The following LRP1B variants were observed in gnomAD, a reference collection of about 807,000 sequenced individuals.
LRP1B encodes the protein low-density lipoprotein receptor-related protein 1B.
A neutral mutation model predicts 556.6 loss-of-function variants in LRP1B; 217 were observed. The observed-to-expected ratio is 0.39, with a 90% CI of 0.35 to 0.44. LRP1B has a LOEUF of 0.44. LRP1B is among the 20% of genes least tolerant of loss of function. The pLI, the probability that LRP1B is intolerant of heterozygous loss-of-function variation, is 1.00. For synonymous variants in LRP1B, 2,047 were observed against 1,865.8 expected (o/e 1.10, Z -2.50); for missense variants, 5,053 against 5,620.8 (o/e 0.90, Z 3.23).
At chr2:141,142,548 T>C (rs919353042) in intron 7 of LRP1B, among the ~76,000 whole-genome samples, 1 of 152,154 alleles carries the variant, frequency 6.6e-6, no homozygotes, top group African/African-American at 2.4e-5. Context: ...ATAAAGTAGA[T>C]GACAACAGAA....
chr2:141,088,410 A>C (rs773874379), intron 7 of LRP1B, among the ~76,000 whole-genome samples: 31 of 152,334 alleles, frequency 2.0e-4, no homozygotes, highest in Non-Finnish European at 4.4e-4. Flanking sequence ...TAAAAACTTA[A>C]GGAAAATGTA....
chr2:141,338,495 A>G (rs1353323009), intron 3 of LRP1B, among the ~76,000 whole-genome samples: 1 of 152,160 alleles, frequency 6.6e-6, no homozygotes, highest in Non-Finnish European at 1.5e-5. Context: ...CTGATTCATT[A>G]GCACTTTGAT....
chr2:141,170,470 G>T (rs534559895), intron 7 of LRP1B, among the ~76,000 whole-genome samples: 1 of 152,154 alleles, frequency 6.6e-6, no homozygotes, highest in Non-Finnish European at 1.5e-5. Context: ...CACTCCGAAA[G>T]AAATGGCAAT....
At chr2:141,782,686 A>G (rs539573705) in intron 2 of LRP1B, among the ~76,000 whole-genome samples, 2 of 152,090 alleles carry the variant, frequency 1.3e-5, no homozygotes, top group East Asian at 3.9e-4. Context: ...AGCAAGTAAA[A>G]TTACTAAAAA....
chr2:140,862,766 A>G (rs989133331), intron 27 of LRP1B, among the ~76,000 whole-genome samples: 1 of 152,194 alleles, frequency 6.6e-6, no homozygotes, highest in Admixed American at 6.5e-5. Flanking sequence ...TGTTTCTGGA[A>G]GAGATGAGTA....
intron 43 of LRP1B, among the ~76,000 whole-genome samples, chr2:140,590,186 T>C (rs530415396): frequency 6.6e-6 from 1 of 150,988 alleles, no homozygotes; most frequent in South Asian, 2.1e-4. Flanking sequence ...AAATCACTTA[T>C]AATTTCACAA....
chr2:140,809,162 G>A (rs1265926519), intron 32 of LRP1B, among the ~76,000 whole-genome samples: 1 of 151,888 alleles, frequency 6.6e-6, no homozygotes, highest in Non-Finnish European at 1.5e-5. Context: ...TTGTTTTTTT[G>A]TAGAGTGTTT....
At chr2:140,772,311 G>A (rs1559110003) in intron 33 of LRP1B, among the ~76,000 whole-genome samples, 1 of 150,182 alleles carries the variant, frequency 6.7e-6, no homozygotes, top group African/African-American at 2.4e-5. Context: ...TTGTATGTAT[G>A]TATATATATA....
intron 18 of LRP1B, among the ~76,000 whole-genome samples, chr2:140,964,954 G>C (rs1248898292): frequency 6.6e-6 from 1 of 152,174 alleles, no homozygotes; most frequent in Non-Finnish European, 1.5e-5. Flanking sequence ...ACTCCAACTC[G>C]GGAGGGAAGG....
intron 18 of LRP1B, among the ~76,000 whole-genome samples, chr2:140,979,507 T>C (rs1039378296): frequency 6.6e-6 from 1 of 152,158 alleles, no homozygotes; most frequent in Admixed American, 6.6e-5. Context: ...TACTAGTGTG[T>C]TACTGCATAT....
chr2:141,549,766 G>A (rs780059367), intron 2 of LRP1B, among the ~76,000 whole-genome samples: 1 of 152,188 alleles, frequency 6.6e-6, no homozygotes, highest in Non-Finnish European at 1.5e-5. Context: ...GGAGGCCGAG[G>A]CAGGTGGATC....
chr2:141,995,389 CT>C (rs1224690946), intron 1 of LRP1B, among the ~76,000 whole-genome samples: 2 of 152,210 alleles, frequency 1.3e-5, no homozygotes, highest in African/African-American at 4.8e-5. Context: ...ACTCTTACCC[CT>C]GCCTTAGCTC....
At chr2:141,931,617 C>T (rs187750157) in intron 1 of LRP1B, among the ~76,000 whole-genome samples, 74 of 151,818 alleles carry the variant, frequency 4.9e-4, no homozygotes, top group Middle Eastern at 3.4e-3. Flanking sequence ...TCTTATTAAT[C>T]CTTTATAAAG....
chr2:141,226,309 G>C (rs1683247238), intron 6 of LRP1B, among the ~76,000 whole-genome samples: 1 of 152,082 alleles, frequency 6.6e-6, no homozygotes, highest in African/African-American at 2.4e-5. Flanking sequence ...TGAACTTTGA[G>C]TAAAAATGCC....
chr2:141,971,309 C>G (rs1379167918), intron 1 of LRP1B, among the ~76,000 whole-genome samples: 1 of 151,184 alleles, frequency 6.6e-6, no homozygotes, highest in Non-Finnish European at 1.5e-5. Context: ...AAAAGTATCC[C>G]CTAAAGGTTA....
intron 41 of LRP1B, among the ~76,000 whole-genome samples, chr2:140,695,356 C>T (rs748569547): frequency 6.6e-6 from 1 of 152,008 alleles, no homozygotes; most frequent in Non-Finnish European, 1.5e-5. Flanking sequence ...TTTCTGTGGC[C>T]TCTAAGCTTC....
intron 41 of LRP1B, among the ~76,000 whole-genome samples, chr2:140,639,406 C>G (rs1684193163): frequency 6.6e-6 from 1 of 152,176 alleles, no homozygotes; most frequent in Admixed American, 6.5e-5. Context: ...CTGAAAGATT[C>G]TAAGGCATCT....
intron 7 of LRP1B, among the ~76,000 whole-genome samples, chr2:141,092,790 G>A (rs1203262782): frequency 6.6e-6 from 1 of 152,162 alleles, no homozygotes; most frequent in Non-Finnish European, 1.5e-5. Context: ...ATGTTCATGA[G>A]AGTTCAAGCG....
intron 3 of LRP1B, among the ~76,000 whole-genome samples, chr2:141,446,039 T>C (rs80056194): frequency 2.0e-5 from 3 of 152,182 alleles, no homozygotes; most frequent in African/African-American, 7.2e-5. Context: ...CCCATTATTA[T>C]TGTGTGGGAG....
Sources: gnomAD v4.1 joint callset for allele counts (sites outside exome capture counted in the v4.1 genomes callset) on GRCh38, gnomAD v4.1.1 for gene constraint, MANE v1.5 for transcripts, NCBI Gene and HGNC (gene_info 2026-07-23, HGNC 2026-07-21) for gene names.